The following CTNND2 variants were observed in gnomAD, a reference collection of about 807,000 sequenced individuals.
CTNND2 encodes catenin delta 2, also known as catenin delta-2.
Under a neutral mutation model 144.4 loss-of-function variants are expected in CTNND2, and 22 were observed. The observed-to-expected ratio is 0.15, with a 90% CI of 0.11 to 0.22. The LOEUF is 0.22. CTNND2 is among the 10% of genes least tolerant of loss of function. The probability of loss-of-function intolerance (pLI) is 1.00; values close to 1 mark genes in which losing one functional copy is unlikely to be tolerated. For missense variants in CTNND2, 1,353 were observed against 1,618.8 expected, an observed-to-expected ratio of 0.84 and a Z score of 2.82; for synonymous variants, 751 against 695.6, an observed-to-expected ratio of 1.08 and a Z score of -1.25.
chr5:11,571,841 T>C (rs1376230795), intron 2 of CTNND2, among the ~76,000 whole-genome samples: 3 of 152,198 alleles, frequency 2.0e-5, no homozygotes, highest in Non-Finnish European at 4.4e-5. Context: ...TCTCTGGGTT[T>C]ACCAGCTCAT....
chr5:11,805,427 C>T (rs562078785), intron 1 of CTNND2, among the ~76,000 whole-genome samples: 23 of 152,122 alleles, frequency 1.5e-4, no homozygotes, highest in South Asian at 1.0e-3. Context: ...AAAGGAATCA[C>T]GGCTCCTGGA....
chr5:11,164,719 G>A lies in CTNND2; in HGVS notation c.1976-4960C>T, dbSNP rs967298317. Among the ~76,000 whole-genome samples, 9 of 152,074 alleles carry A rather than the reference G, an allele frequency of 5.9e-5. No homozygotes were observed. The East Asian group carries it at 1.2e-3, about 20-fold the overall frequency. On this transcript the variant is annotated intron_variant, in intron 11 of 21. Transcript: ENST00000304623. ...CATGGCCAATACTTCTTCCATTCACGTCAACTTAAATGTGCTAAACTCAGA... is the reference window on the plus strand; with the variant it reads ...CATGGCCAATACTTCTTCCATTCACATCAACTTAAATGTGCTAAACTCAGA...
At chr5:11,311,179 C>G (rs1383019796) in intron 9 of CTNND2, among the ~76,000 whole-genome samples, 1 of 147,984 alleles carries the variant, frequency 6.8e-6, no homozygotes, top group Admixed American at 6.7e-5. Context: ...CAGGCACACT[C>G]TCACACACTC....
intron 1 of CTNND2, among the ~76,000 whole-genome samples, chr5:11,742,438 C>G (rs1393549493): frequency 6.6e-6 from 1 of 152,172 alleles, no homozygotes; most frequent in Non-Finnish European, 1.5e-5. Flanking sequence ...AACCCTGTTA[C>G]AGCCACACTT....
At chr5:11,641,635 T>C (rs917413248) in intron 2 of CTNND2, among the ~76,000 whole-genome samples, 3 of 145,648 alleles carry the variant, frequency 2.1e-5, no homozygotes, top group Non-Finnish European at 4.5e-5. Context: ...CATATACGTG[T>C]GTGTATATAC....
intron 9 of CTNND2, among the ~76,000 whole-genome samples, chr5:11,252,687 G>C (rs1256513801): frequency 6.6e-6 from 1 of 152,184 alleles, no homozygotes; most frequent in Non-Finnish European, 1.5e-5. Context: ...GAGATGATCA[G>C]GTGATGGAGG....
rs143994600 is a variant in CTNND2 at position 11,870,695 on chromosome 5, T to C, written c.37+33122A>G. On this transcript the variant is annotated intron_variant, in intron 1 of 21. Coordinates refer to ENST00000304623, the MANE Select transcript of CTNND2 (RefSeq NM_001332.4). ...GGTTTGGTCCTTGCTGTTGCTACCA[T>C]TCTGCTCACTCAGTTCAGGCATGAA... Among the ~76,000 whole-genome samples, 771 of 152,326 alleles carry C rather than the reference T, an allele frequency of 5.1e-3. 7 individuals carry two copies. The highest frequency in any genetic ancestry group is 0.018 in the African/African-American group (734 of 41,572).
intron 2 of CTNND2, among the ~76,000 whole-genome samples, chr5:11,615,984 T>C (rs1561623206): frequency 6.6e-6 from 1 of 152,236 alleles, no homozygotes; most frequent in Non-Finnish European, 1.5e-5. Flanking sequence ...AAGTGGTTAC[T>C]AAAAATCATA....
intron 9 of CTNND2, among the ~76,000 whole-genome samples, chr5:11,290,559 T>C (rs973372869): frequency 1.1e-4 from 17 of 152,156 alleles, no homozygotes; most frequent in Admixed American, 4.6e-4. Context: ...TAAACACCCA[T>C]CATTTCATGG....
intron 2 of CTNND2, among the ~76,000 whole-genome samples, chr5:11,713,583 CAAAAA>C (rs1165519277): frequency 5.2e-5 from 3 of 57,874 alleles, no homozygotes; most frequent in African/African-American, 1.7e-4. Flanking sequence ...GACTCCATCT[CAAAAA>C]AAAAAAAAAA....
At chr5:11,671,243 G>T (rs977915834) in intron 2 of CTNND2, among the ~76,000 whole-genome samples, 2 of 151,992 alleles carry the variant, frequency 1.3e-5, no homozygotes, top group African/African-American at 4.8e-5. Flanking sequence ...TGAATCTGAC[G>T]ATTATGTGTC....
chr5:11,797,113 C>G (rs1791445597), intron 1 of CTNND2, among the ~76,000 whole-genome samples: 1 of 152,150 alleles, frequency 6.6e-6, no homozygotes, highest in Admixed American at 6.5e-5. Flanking sequence ...AAAAAGGTTT[C>G]TTTGACATTG....
intron 3 of CTNND2, among the ~76,000 whole-genome samples, chr5:11,535,859 G>C (rs1405551682): frequency 6.6e-6 from 1 of 152,142 alleles, no homozygotes; most frequent in Non-Finnish European, 1.5e-5. Flanking sequence ...ACTTAGAAAA[G>C]TGTCTTGAAT....
intron 2 of CTNND2, among the ~76,000 whole-genome samples, chr5:11,576,789 G>A (rs999761077): frequency 3.3e-5 from 5 of 152,062 alleles, no homozygotes; most frequent in African/African-American, 7.2e-5. Context: ...AACCTAAAAC[G>A]TTCTAATGAA....
chr5:11,567,691 T>A (rs1777231656), intron 2 of CTNND2, among the ~76,000 whole-genome samples: 1 of 152,204 alleles, frequency 6.6e-6, no homozygotes. Context: ...TTCATTTGGG[T>A]CTTTTTTGTA....
At chr5:11,359,270 C>G (rs1756205306) in intron 8 of CTNND2, among the ~76,000 whole-genome samples, 1 of 152,130 alleles carries the variant, frequency 6.6e-6, no homozygotes, top group South Asian at 2.1e-4. Flanking sequence ...AAAATTGTAT[C>G]TCTTTACATT....
chr5:11,696,571 A>G (rs1785148767), intron 2 of CTNND2, among the ~76,000 whole-genome samples: 1 of 152,200 alleles, frequency 6.6e-6, no homozygotes, highest in Non-Finnish European at 1.5e-5. Flanking sequence ...ATTTTTAATA[A>G]TTTGCATTAG....
intron 2 of CTNND2, among the ~76,000 whole-genome samples, chr5:11,660,009 G>A (rs930567665): frequency 6.6e-6 from 1 of 152,152 alleles, no homozygotes; most frequent in African/African-American, 2.4e-5. Context: ...AAGACAGGAT[G>A]AAATCAGATT....
At chr5:11,342,506 C>T (rs1754378249) in intron 9 of CTNND2, among the ~76,000 whole-genome samples, 1 of 152,114 alleles carries the variant, frequency 6.6e-6, no homozygotes, top group Admixed American at 6.5e-5. Flanking sequence ...AAATCACATT[C>T]ATAAAAAGTG....
Sources: allele counts gnomAD v4.1 joint callset (sites outside exome capture counted in the v4.1 genomes callset), GRCh38; gene constraint gnomAD v4.1.1; transcripts MANE v1.5; gene names NCBI Gene and HGNC (gene_info 2026-07-23, HGNC 2026-07-21).